GLI3: variants seen among roughly 807,000 people sequenced by gnomAD.
GLI3 encodes the protein transcription activator GLI3.
Under a neutral mutation model 100.8 loss-of-function variants are expected in GLI3, and 20 were observed. That is an observed-to-expected ratio of 0.20 (90% CI 0.14 to 0.29). The LOEUF (loss-of-function observed/expected upper bound fraction) is 0.29, where lower values mean the gene tolerates loss of function less well. Ranked by LOEUF, GLI3 falls within the 10% of genes least tolerant of loss-of-function variation. The probability of loss-of-function intolerance (pLI) is 1.00; values close to 1 mark genes in which losing one functional copy is unlikely to be tolerated. For missense variants in GLI3, 2,040 were observed against 2,128.5 expected, an observed-to-expected ratio of 0.96 and a Z score of 0.82; for synonymous variants, 938 against 860.5, an observed-to-expected ratio of 1.09 and a Z score of -1.58.
Position 41,966,700 on chromosome 7 carries a change from C to A in GLI3, c.2432-59G>T. 3 of 1,572,244 alleles carry A rather than the reference C, an allele frequency of 1.9e-6. No homozygotes were observed. The highest frequency in any genetic ancestry group is 2.6e-6 in the Non-Finnish European group (3 of 1,145,274). ...ATGAATTCCCTTCGAGCATGACTTA[C>A]ACCAGGCATGAGCAACCCTTTTCTG... On this transcript the variant is annotated intron_variant, in intron 14 of 14. Coordinates refer to ENST00000395925, the MANE Select transcript of GLI3 (RefSeq NM_000168.6). The surrounding 1 kb of genome is among the most constrained non-coding windows in gnomAD (Gnocchi z 5.8).
chr7:42,089,229 A>G (rs1470506059), intron 3 of GLI3, among the ~76,000 whole-genome samples: 1 of 152,140 alleles, frequency 6.6e-6, no homozygotes, highest in African/African-American at 2.4e-5. Context: ...CACTCACACA[A>G]AGATGACCCC....
intron 3 of GLI3, among the ~76,000 whole-genome samples, chr7:42,092,240 A>C (rs1016597067): frequency 6.6e-6 from 1 of 152,244 alleles, no homozygotes; most frequent in Non-Finnish European, 1.5e-5. Context: ...AAGTCATCTG[A>C]GAAAACACCA....
At chr7:42,014,888 C>T (rs1383490648) in intron 10 of GLI3, among the ~76,000 whole-genome samples, 2 of 152,300 alleles carry the variant, frequency 1.3e-5, no homozygotes, top group Admixed American at 6.5e-5. Context: ...CCTGCATAGG[C>T]GAGCCTGTGC....
chr7:42,045,855 T>C (rs190941862), intron 5 of GLI3, among the ~76,000 whole-genome samples: 3 of 152,376 alleles, frequency 2.0e-5, no homozygotes, highest in Admixed American at 2.0e-4. Flanking sequence ...ATCATTTTTA[T>C]ATCAAATCAC....
intron 2 of GLI3, among the ~76,000 whole-genome samples, chr7:42,160,923 T>A (rs1787117538): frequency 6.6e-6 from 1 of 152,180 alleles, no homozygotes; most frequent in African/African-American, 2.4e-5. Context: ...GTCATCTCTT[T>A]TACCCACTTC....
intron 10 of GLI3, among the ~76,000 whole-genome samples, chr7:41,988,969 CA>C (rs1202080914): frequency 6.6e-6 from 1 of 152,172 alleles, no homozygotes; most frequent in Non-Finnish European, 1.5e-5. Context: ...TGTGATTTTA[CA>C]TGGAGAAGTA....
At chr7:42,034,881 G>A (rs770446204) in intron 7 of GLI3, among the ~76,000 whole-genome samples, 5 of 151,976 alleles carry the variant, frequency 3.3e-5, no homozygotes, top group Non-Finnish European at 7.4e-5. Context: ...TTTCCCTTCT[G>A]TAAGTTCCAT....
At chr7:42,261,405 T>C (rs1789138882) in intron 1 of GLI3, among the ~76,000 whole-genome samples, 1 of 151,140 alleles carries the variant, frequency 6.6e-6, no homozygotes. Flanking sequence ...ACATGAGAGC[T>C]GGGCAGGCTC....
intron 2 of GLI3, among the ~76,000 whole-genome samples, chr7:42,160,726 C>A (rs143881908): frequency 6.6e-6 from 1 of 152,284 alleles, no homozygotes; most frequent in East Asian, 1.9e-4. Context: ...CATCTCCTAT[C>A]AACTTCAGCC....
intron 1 of GLI3, among the ~76,000 whole-genome samples, chr7:42,246,884 T>A (rs1788982392): frequency 7.0e-6 from 1 of 141,860 alleles, no homozygotes; most frequent in Non-Finnish European, 1.5e-5. Context: ...GTCTGTGAAA[T>A]CCTTGACACC....
At chr7:41,981,615 C>T (rs568441151) in intron 10 of GLI3, among the ~76,000 whole-genome samples, 45 of 152,340 alleles carry the variant, frequency 3.0e-4, no homozygotes, top group African/African-American at 9.9e-4. Context: ...GCCCCAGCTC[C>T]TTTAGGTGAG....
intron 2 of GLI3, among the ~76,000 whole-genome samples, chr7:42,156,769 G>A (rs938646904): frequency 6.6e-6 from 1 of 152,198 alleles, no homozygotes; most frequent in Non-Finnish European, 1.5e-5. Flanking sequence ...TCTGTGTGCA[G>A]CAGCTTCTTC....
intron 11 of GLI3, among the ~76,000 whole-genome samples, chr7:41,978,102 T>C (rs1787558199): frequency 6.6e-6 from 1 of 152,166 alleles, no homozygotes; most frequent in African/African-American, 2.4e-5. Flanking sequence ...TAAAGGGCCT[T>C]TAAGATGTAA....
chr7:42,122,214 T>C (rs1328517473), intron 3 of GLI3, among the ~76,000 whole-genome samples: 1 of 147,362 alleles, frequency 6.8e-6, no homozygotes, highest in Non-Finnish European at 1.5e-5. Context: ...ATATTATATA[T>C]AATTTATATT....
chr7:42,210,102 G>C (rs1379668993), intron 2 of GLI3, among the ~76,000 whole-genome samples: 3 of 151,628 alleles, frequency 2.0e-5, no homozygotes, highest in East Asian at 3.9e-4. Context: ...CAAGGTCAAG[G>C]GTTTTGGGAT....
chr7:42,188,134 C>T (rs900290597), intron 2 of GLI3, among the ~76,000 whole-genome samples: 1 of 151,954 alleles, frequency 6.6e-6, no homozygotes, highest in African/African-American at 2.4e-5. Flanking sequence ...CAGTGGCTCC[C>T]AGGAGATGGA....
At chr7:42,189,717 A>G (rs531721882) in intron 2 of GLI3, among the ~76,000 whole-genome samples, 10 of 152,302 alleles carry the variant, frequency 6.6e-5, no homozygotes, top group African/African-American at 1.9e-4. Flanking sequence ...CAGAAGTGAG[A>G]ATGTTCTTAC....
intron 2 of GLI3, among the ~76,000 whole-genome samples, chr7:42,218,155 G>T (rs1017151395): frequency 1.3e-5 from 2 of 152,138 alleles, no homozygotes; most frequent in African/African-American, 2.4e-5. Flanking sequence ...TATCTGTCAT[G>T]TGCCAGGAAA....
In GLI3 at chr7:41,965,365, T is replaced by G. The variant is rs765172622; in HGVS notation, c.3708A>C (p.Gly1236=). The G allele has an allele frequency of 1.5e-5, 25 of 1,613,188 alleles. 1 individual carries two copies. In the South Asian group the frequency reaches 2.4e-4, roughly 16 times the overall value. ...PEHLMLHNSP[G]SGTSGNAFHE... is the part of the protein sequence containing the mutation. ...GGAAGGCGTTTCCACTGGTGCCACT[T>G]CCGGGGCTGTTGTGGAGCATCAAGT... Residue 1236 remains glycine (G), a synonymous_variant, in exon 15 of 15, where the codon GGA becomes GGC. Coordinates refer to ENST00000395925, the MANE Select transcript of GLI3 (RefSeq NM_000168.6).
Sources: allele counts gnomAD v4.1 joint callset (sites outside exome capture counted in the v4.1 genomes callset), GRCh38; gene constraint gnomAD v4.1.1; non-coding constraint Gnocchi (gnomAD v3.1); transcripts MANE v1.5; gene names NCBI Gene and HGNC (gene_info 2026-07-23, HGNC 2026-07-21).